SLC9C1: variants seen among roughly 807,000 people sequenced by gnomAD.
SLC9C1 encodes sodium/hydrogen exchanger 10.
Under a neutral mutation model 140.9 loss-of-function variants are expected in SLC9C1, and 97 were observed. That is an observed-to-expected ratio of 0.69 (90% CI 0.58 to 0.82). SLC9C1 has a LOEUF of 0.82. SLC9C1 is among the 40% of genes least tolerant of loss of function. SLC9C1 has a pLI of 0.00. For synonymous variants in SLC9C1, 440 were observed against 442.6 expected, an observed-to-expected ratio of 0.99 and a Z score of 0.07; for missense variants, 1,340 against 1,389.3, an observed-to-expected ratio of 0.96 and a Z score of 0.56.
At chr3:112,182,309 A>C in intron 20 of SLC9C1, 51 bp from the exon 21 acceptor site, 1 of 1,558,050 alleles carries the variant, frequency 6.4e-7, no homozygotes, top group East Asian at 2.3e-5. Flanking sequence ...TGTTCCCAGA[A>C]TGTTTAAGGC....
intron 10 of SLC9C1, among the ~76,000 whole-genome samples, chr3:112,258,369 T>G (rs1241192096): frequency 1.3e-5 from 2 of 152,248 alleles, no homozygotes; most frequent in East Asian, 3.9e-4. Flanking sequence ...AGTCTCACAT[T>G]GCTATCAAGA....
At chr3:112,227,196 G>GA (rs780701629) in intron 13 of SLC9C1, among the ~76,000 whole-genome samples, 2 of 151,738 alleles carry the variant, frequency 1.3e-5, no homozygotes, top group African/African-American at 2.4e-5. Context: ...AGTCTCCCAA[G>GA]AAAAAAACAT....
intron 2 of SLC9C1, among the ~76,000 whole-genome samples, chr3:112,286,117 A>G (rs1264487055): frequency 6.6e-6 from 1 of 151,914 alleles, no homozygotes; most frequent in Non-Finnish European, 1.5e-5. Flanking sequence ...AAGCTTTGAA[A>G]TAAAATTTTT....
intron 26 of SLC9C1, among the ~76,000 whole-genome samples, chr3:112,161,752 G>A (rs1479696986): frequency 2.0e-5 from 3 of 151,606 alleles, no homozygotes; most frequent in East Asian, 1.9e-4. Flanking sequence ...TTGGCGATGC[G>A]GGCTCTTTTT....
At chr3:112,183,493 G>A (rs541661059) in intron 20 of SLC9C1, among the ~76,000 whole-genome samples, 2 of 149,710 alleles carry the variant, frequency 1.3e-5, no homozygotes, top group South Asian at 4.2e-4. Context: ...AGACCAATAA[G>A]TTAATGTAAA....
At chr3:112,167,013 TTTG>T (rs2107911445) in intron 26 of SLC9C1, among the ~76,000 whole-genome samples, 1 of 152,290 alleles carries the variant, frequency 6.6e-6, no homozygotes, top group South Asian at 2.1e-4. Flanking sequence ...ATTATGCACT[TTTG>T]TTCTTATGGA....
chr3:112,243,167 A>G (rs926381077), intron 11 of SLC9C1, among the ~76,000 whole-genome samples: 10 of 152,220 alleles, frequency 6.6e-5, no homozygotes, highest in African/African-American at 2.2e-4. Context: ...CCACCCCAAG[A>G]TAGCCAAAGG....
chr3:112,213,911 A>T (rs1388186132), intron 15 of SLC9C1, among the ~76,000 whole-genome samples: 1 of 152,150 alleles, frequency 6.6e-6, no homozygotes, highest in East Asian at 1.9e-4. Context: ...ATACATTCTT[A>T]TTAGCACCAC....
At chr3:112,178,922 AG>A (rs2077389031) in intron 23 of SLC9C1, among the ~76,000 whole-genome samples, 1 of 152,222 alleles carries the variant, frequency 6.6e-6, no homozygotes, top group Admixed American at 6.5e-5. Context: ...CATAGAAGAA[AG>A]GCAAGATAAA....
At chr3:112,212,218 T>C (rs2078228219) in intron 15 of SLC9C1, among the ~76,000 whole-genome samples, 1 of 151,930 alleles carries the variant, frequency 6.6e-6, no homozygotes, top group Non-Finnish European at 1.5e-5. Context: ...GTCACCATCA[T>C]CAAAGACCAA....
At chr3:112,271,963 G>T (rs2080090296) in intron 6 of SLC9C1, among the ~76,000 whole-genome samples, 1 of 152,120 alleles carries the variant, frequency 6.6e-6, no homozygotes, top group Non-Finnish European at 1.5e-5. Flanking sequence ...TGCACCAAAA[G>T]ATATTTGCTT....
chr3:112,229,119 A>G (rs567212264), intron 13 of SLC9C1, among the ~76,000 whole-genome samples: 1 of 152,238 alleles, frequency 6.6e-6, no homozygotes, highest in East Asian at 1.9e-4. Flanking sequence ...GGAAGCTATA[A>G]AAGTTGACCT....
At chr3:112,205,104 G>T (rs1327417570) in intron 16 of SLC9C1, among the ~76,000 whole-genome samples, 1 of 152,024 alleles carries the variant, frequency 6.6e-6, no homozygotes, top group African/African-American at 2.4e-5. Flanking sequence ...AAAAAAGGAA[G>T]TCAATTTGTC....
At chr3:112,231,304 G>A in intron 13 of SLC9C1, 57 bp downstream of exon 13, 1 of 1,596,996 alleles carries the variant, frequency 6.3e-7, no homozygotes, top group South Asian at 1.1e-5. Flanking sequence ...TATAAAGGAG[G>A]AATTTTTCAA....
intron 28 of SLC9C1, 105 bp from the exon 29 acceptor site, chr3:112,141,386 C>T (rs2074617891): frequency 1.4e-5 from 16 of 1,140,946 alleles, no homozygotes; most frequent in Non-Finnish European, 1.9e-5. Context: ...ATTTGACTCC[C>T]ATAAGACACA....
intron 10 of SLC9C1, among the ~76,000 whole-genome samples, chr3:112,261,612 A>C (rs2079774150): frequency 6.6e-6 from 1 of 152,074 alleles, no homozygotes; most frequent in Non-Finnish European, 1.5e-5. Flanking sequence ...GCTAGATTAA[A>C]TTGAGAAAAG....
At chr3:112,246,835 G>A (rs9879184) in intron 10 of SLC9C1, among the ~76,000 whole-genome samples, 89,945 of 151,918 alleles carry the variant, frequency 0.59, 27,137 homozygotes, top group East Asian at 0.79. Flanking sequence ...AGCTTAAAAA[G>A]CAGAAGAAAA....
At chr3:112,209,077 ATTG>A (rs1279063955) in intron 15 of SLC9C1, among the ~76,000 whole-genome samples, 1 of 152,214 alleles carries the variant, frequency 6.6e-6, no homozygotes, top group Non-Finnish European at 1.5e-5. Context: ...GTAATACACT[ATTG>A]TTGTTAAAAT....
At chr3:112,285,547 GT>G (rs1019650896) in intron 2 of SLC9C1, among the ~76,000 whole-genome samples, 1 of 152,124 alleles carries the variant, frequency 6.6e-6, no homozygotes, top group Admixed American at 6.5e-5. Context: ...AGCCAGGAGA[GT>G]TTTTAATCTA....
Sources: allele counts gnomAD v4.1 joint callset (sites outside exome capture counted in the v4.1 genomes callset), GRCh38; gene constraint gnomAD v4.1.1; transcripts MANE v1.5; gene names NCBI Gene and HGNC (gene_info 2026-07-23, HGNC 2026-07-21).